Variants in NALF1 observed in about 807,000 individuals in gnomAD.
NALF1 encodes the protein family with sequence similarity 155 member A.
Under a neutral mutation model 48.4 loss-of-function variants are expected in NALF1, and 3 were observed. The ratio of observed to expected loss-of-function variants is 0.06; its 90% CI spans 0.03 to 0.16. NALF1 has a LOEUF of 0.16. Ranked by LOEUF, NALF1 falls within the 10% of genes least tolerant of loss-of-function variation. The probability of loss-of-function intolerance (pLI) is 1.00; values close to 1 mark genes in which losing one functional copy is unlikely to be tolerated. For synonymous variants in NALF1, 262 were observed against 245.7 expected, an observed-to-expected ratio of 1.07 and a Z score of -0.62; for missense variants, 526 against 571.5, an observed-to-expected ratio of 0.92 and a Z score of 0.81.
intron 2 of NALF1, among the ~76,000 whole-genome samples, chr13:107,194,032 CTATCTATCTATCTATCTATCTATCTATA>C (rs1346710336): frequency 7.6e-5 from 11 of 144,694 alleles, no homozygotes; most frequent in African/African-American, 1.4e-4. Flanking sequence ...ATCTATCTAT[CTATCTATCTATCTATCTATCTATCTATA>C]TATCAATCTA....
chr13:107,815,962 G>A (rs1009586272), intron 1 of NALF1, among the ~76,000 whole-genome samples: 2 of 152,160 alleles, frequency 1.3e-5, no homozygotes, highest in Admixed American at 1.3e-4. Context: ...ATTAGTAGGT[G>A]CCTAGGATTG....
intron 1 of NALF1, among the ~76,000 whole-genome samples, chr13:107,761,132 C>T (rs1038451552): frequency 2.0e-5 from 3 of 152,110 alleles, no homozygotes; most frequent in Admixed American, 1.3e-4. Flanking sequence ...CCAAGGCGGG[C>T]AGATCACGAG....
intron 2 of NALF1, among the ~76,000 whole-genome samples, chr13:107,204,173 G>A (rs1474380810): frequency 1.3e-5 from 2 of 152,194 alleles, no homozygotes; most frequent in Non-Finnish European, 2.9e-5. Flanking sequence ...AGAGAGGGGC[G>A]CCCACAAGCT....
At chr13:107,836,568 A>C in intron 1 of NALF1, among the ~76,000 whole-genome samples, 1 of 152,290 alleles carries the variant, frequency 6.6e-6, no homozygotes, top group East Asian at 1.9e-4. Context: ...AAAAAAATAA[A>C]ATTTAATTAG....
At chr13:107,736,045 G>A (rs1011019867) in intron 1 of NALF1, among the ~76,000 whole-genome samples, 2 of 151,986 alleles carry the variant, frequency 1.3e-5, no homozygotes, top group African/African-American at 2.4e-5. Flanking sequence ...AAGACTTTGA[G>A]GGCTAAACCA....
chr13:107,786,220 T>C (rs1180182375), intron 1 of NALF1, among the ~76,000 whole-genome samples: 2 of 151,788 alleles, frequency 1.3e-5, no homozygotes, highest in Non-Finnish European at 2.9e-5. Context: ...AGTTCGAGAC[T>C]GGTCTGACCA....
chr13:107,499,161 TAA>T (rs5806659), intron 1 of NALF1, among the ~76,000 whole-genome samples: 8 of 150,168 alleles, frequency 5.3e-5, no homozygotes, highest in East Asian at 1.9e-4. Flanking sequence ...CTCCAGAAGT[TAA>T]AAAAAAAACA....
intron 1 of NALF1, among the ~76,000 whole-genome samples, chr13:107,367,671 G>A (rs911730620): frequency 1.3e-5 from 2 of 152,138 alleles, no homozygotes; most frequent in East Asian, 1.9e-4. Flanking sequence ...GGGCTACACG[G>A]GCAGAAGCGT....
chr13:107,642,005 A>G (rs958870490), intron 1 of NALF1, among the ~76,000 whole-genome samples: 5 of 152,160 alleles, frequency 3.3e-5, no homozygotes, highest in Non-Finnish European at 5.9e-5. Context: ...ATGTGCAGTG[A>G]AGAATGACAA....
chr13:107,586,634 G>GCTTTTTTTTTTTTT (rs1403213630), intron 1 of NALF1, among the ~76,000 whole-genome samples: 1 of 5,664 alleles, frequency 1.8e-4, no homozygotes, highest in African/African-American at 6.1e-4. Flanking sequence ...CCCCTATGGA[G>GCTTTTTTTTTTTTT]ATTTTTTTTT....
At chr13:107,633,954 T>C (rs1879906432) in intron 1 of NALF1, among the ~76,000 whole-genome samples, 1 of 148,536 alleles carries the variant, frequency 6.7e-6, no homozygotes, top group African/African-American at 2.4e-5. Context: ...TCTGTATATA[T>C]GGATATACAT....
intron 2 of NALF1, among the ~76,000 whole-genome samples, chr13:107,207,625 G>A (rs1879670734): frequency 6.6e-6 from 1 of 152,160 alleles, no homozygotes; most frequent in African/African-American, 2.4e-5. Flanking sequence ...AAATCTCCTT[G>A]CTCAGGTCCA....
At chr13:107,712,285 T>C (rs541260222) in intron 1 of NALF1, among the ~76,000 whole-genome samples, 3 of 152,250 alleles carry the variant, frequency 2.0e-5, no homozygotes, top group Admixed American at 6.5e-5. Flanking sequence ...TTCTGCTCTC[T>C]CCTAAAAGAG....
chr13:107,244,857 A>G (rs1371632828), intron 1 of NALF1, among the ~76,000 whole-genome samples: 1 of 152,188 alleles, frequency 6.6e-6, no homozygotes, highest in Admixed American at 6.5e-5. Context: ...TTTAGCTTCC[A>G]TATACACTGA....
intron 1 of NALF1, among the ~76,000 whole-genome samples, chr13:107,801,833 T>C (rs867266667): frequency 4.6e-5 from 7 of 151,778 alleles, no homozygotes; most frequent in South Asian, 2.1e-4. Context: ...AGTCGCCTTC[T>C]TCCTTCCCCT....
intron 1 of NALF1, among the ~76,000 whole-genome samples, chr13:107,861,868 C>A (rs202119405): frequency 6.9e-6 from 1 of 144,284 alleles, no homozygotes; most frequent in Non-Finnish European, 1.5e-5. Flanking sequence ...CATTATGTAA[C>A]CAAACTCTAT....
chr13:107,694,593 T>C (rs1159380557), intron 1 of NALF1, among the ~76,000 whole-genome samples: 2 of 152,208 alleles, frequency 1.3e-5, no homozygotes, highest in Non-Finnish European at 2.9e-5. Flanking sequence ...TGACAACTTA[T>C]TGACATTTGA....
chr13:107,715,488 C>G (rs564708373), intron 1 of NALF1, among the ~76,000 whole-genome samples: 5 of 152,298 alleles, frequency 3.3e-5, no homozygotes, highest in Non-Finnish European at 7.4e-5. Context: ...AGGCGTGAGC[C>G]ACCGTCCCCG....
intron 1 of NALF1, among the ~76,000 whole-genome samples, chr13:107,512,625 G>A (rs1032046711): frequency 1.3e-5 from 2 of 152,160 alleles, no homozygotes; most frequent in African/African-American, 4.8e-5. Flanking sequence ...CCCACAGGCA[G>A]GGAGGGGCAG....
Sources: gnomAD v4.1 joint callset for allele counts (sites outside exome capture counted in the v4.1 genomes callset) on GRCh38, gnomAD v4.1.1 for gene constraint, MANE v1.5 for transcripts, NCBI Gene and HGNC (gene_info 2026-07-23, HGNC 2026-07-21) for gene names.